The following GDPD1 variants were observed in gnomAD, a reference collection of about 807,000 sequenced individuals.
GDPD1 encodes the protein glycerophosphodiester phosphodiesterase domain containing 1.
Under a neutral mutation model 45.1 loss-of-function variants are expected in GDPD1, and 28 were observed. The observed-to-expected ratio is 0.62, with a 90% CI of 0.46 to 0.85. The LOEUF (loss-of-function observed/expected upper bound fraction) is 0.85. GDPD1 is among the 40% of genes least tolerant of loss of function. The pLI is 0.00. For missense variants in GDPD1, 256 were observed against 364.8 expected (o/e 0.70, Z 2.43); for synonymous variants, 139 against 131.4 (o/e 1.06, Z -0.40).
chr17:59,266,029 A>G (rs2047396192), intron 6 of GDPD1, among the ~76,000 whole-genome samples: 1 of 142,928 alleles, frequency 7.0e-6, no homozygotes, highest in African/African-American at 2.6e-5. Flanking sequence ...AAAATGATTG[A>G]CATTCAATTT....
rs753528868 is a variant in GDPD1 at position 59,267,094 on chromosome 17, C to T, written c.630C>T (p.Gly210=). Residue 210 remains glycine, a synonymous_variant, in exon 7 of 10, where the codon GGC becomes GGT. Coordinates refer to ENST00000284116, the MANE Select transcript of GDPD1 (RefSeq NM_182569.4). ...TACAACGTGTCCTGCTCATTCTTGG[C>T]CTTTTCTTCACTGGCCTCTTGCCCT... ...FSLQRVLLIL[G]LFFTGLLPFV... 6.2e-7 allele frequency: 1 copy of T among 1,613,396 alleles called. No homozygotes were observed. The highest frequency in any genetic ancestry group is 8.5e-7 in the Non-Finnish European group (1 of 1,179,364).
intron 8 of GDPD1, among the ~76,000 whole-genome samples, chr17:59,271,759 G>C (rs979471450): frequency 1.3e-5 from 2 of 151,380 alleles, no homozygotes; most frequent in Non-Finnish European, 2.9e-5. Flanking sequence ...TCAGCCTCCC[G>C]AGTAGCTGGA....
At chr17:59,260,550 G>T (rs1046690092) in intron 6 of GDPD1, among the ~76,000 whole-genome samples, 2 of 151,634 alleles carry the variant, frequency 1.3e-5, no homozygotes, top group East Asian at 1.9e-4. Flanking sequence ...AAAAAAAAAA[G>T]TGTATAAAAA....
intron 1 of GDPD1, among the ~76,000 whole-genome samples, chr17:59,227,626 C>A (rs966695220): frequency 7.2e-5 from 11 of 151,864 alleles, no homozygotes; most frequent in Non-Finnish European, 1.5e-4. Context: ...ATGATAATGG[C>A]AATAGTAATA....
At chr17:59,231,293 G>GAGAGTAAA (rs2047087110) in intron 1 of GDPD1, among the ~76,000 whole-genome samples, 1 of 151,046 alleles carries the variant, frequency 6.6e-6, no homozygotes, top group Non-Finnish European at 1.5e-5. Context: ...TTGGATCAAT[G>GAGAGTAAA]AGAGTAAATA....
chr17:59,271,222 G>A (rs2047441663), intron 8 of GDPD1, among the ~76,000 whole-genome samples: 2 of 152,128 alleles, frequency 1.3e-5, no homozygotes, highest in African/African-American at 4.8e-5. Flanking sequence ...TGAGAAAACT[G>A]AGCCCCCATA....
chr17:59,247,249 T>A (rs1281462041), intron 3 of GDPD1, among the ~76,000 whole-genome samples: 3 of 152,184 alleles, frequency 2.0e-5, no homozygotes, highest in Admixed American at 6.5e-5. Context: ...ATGCTCATAG[T>A]CCATAGTTTA....
chr17:59,237,929 G>A (rs2047145469), intron 2 of GDPD1, among the ~76,000 whole-genome samples: 1 of 147,030 alleles, frequency 6.8e-6, no homozygotes. Flanking sequence ...AATTAGCTGG[G>A]CACAGCCTGG....
At chr17:59,234,780 G>C (rs910769642) in intron 2 of GDPD1, among the ~76,000 whole-genome samples, 2 of 152,138 alleles carry the variant, frequency 1.3e-5, no homozygotes, top group African/African-American at 4.8e-5. Context: ...TAGTTACAAA[G>C]CTGAAAGAAG....
chr17:59,273,003 A>T (rs1246324094), intron 9 of GDPD1, 167 bp downstream of exon 9: 1 of 1,445,318 alleles, frequency 6.9e-7, no homozygotes, highest in African/African-American at 1.4e-5. Context: ...CTTAGCAATA[A>T]AGCATTGGCA....
At chr17:59,255,546 A>G (rs2047289723) in intron 4 of GDPD1, among the ~76,000 whole-genome samples, 1 of 150,162 alleles carries the variant, frequency 6.7e-6, no homozygotes, top group Admixed American at 6.7e-5. Flanking sequence ...GTTTGAGACC[A>G]TCCTGGCCAA....
rs2046994490 is a variant in GDPD1 at position 59,220,543 on chromosome 17, T to C, written c.-67T>C. The C allele has an allele frequency of 1.9e-6, 3 of 1,547,280 alleles. No individual in the cohort carries two copies. Among genetic ancestry groups the C allele is most frequent in the East Asian group, 2.3e-5 (1 of 43,092 alleles). On this transcript the variant is annotated 5_prime_UTR_variant, in exon 1 of 10. Coordinates refer to ENST00000284116, the MANE Select transcript of GDPD1 (RefSeq NM_182569.4). The stretch of plus-strand genomic sequence containing the variant: ...CCTCGAGCAGCCGCCGCCGCCGCCG[T>C]CGTTGCTACTGCCGCAGCGGAGTTC...
At chr17:59,244,567 A>T (rs2047197334) in intron 2 of GDPD1, among the ~76,000 whole-genome samples, 1 of 152,098 alleles carries the variant, frequency 6.6e-6, no homozygotes, top group South Asian at 2.1e-4. Context: ...TCCTGACCTC[A>T]GGTGATCTGC....
chr17:59,273,769 C>A lies in GDPD1; in HGVS notation c.941C>A (p.Ala314Glu). The A allele has an allele frequency of 1.3e-6, 2 of 1,558,442 alleles. No individual in the cohort carries two copies. The highest frequency in any genetic ancestry group is 2.3e-5 in the East Asian group (1 of 42,774). ...KLRDFLHNFS[A>E] is the part of the protein sequence containing the mutation. ...AGGGATTTTTTACATAACTTTTCAGCATAGAAAAAGAGGTACTTAGAAGTA... is the reference window on the plus strand; with the variant it reads ...AGGGATTTTTTACATAACTTTTCAGAATAGAAAAAGAGGTACTTAGAAGTA... Residue 314 changes from alanine to glutamate, a missense_variant, in exon 10 of 10, where the codon GCA becomes GAA. By Grantham distance (107) the Ala-to-Glu change is moderately radical (BLOSUM62 -1). Coordinates refer to ENST00000284116, the MANE Select transcript of GDPD1 (RefSeq NM_182569.4).
At chr17:59,254,512 A>T (rs901385602) in intron 4 of GDPD1, among the ~76,000 whole-genome samples, 28 of 152,182 alleles carry the variant, frequency 1.8e-4, no homozygotes, top group Non-Finnish European at 3.4e-4. Context: ...CCTGGGTGAC[A>T]GATTGAGACC....
chr17:59,265,717 G>A (rs1337150270), intron 6 of GDPD1, among the ~76,000 whole-genome samples: 1 of 151,638 alleles, frequency 6.6e-6, no homozygotes, highest in Non-Finnish European at 1.5e-5. Flanking sequence ...GGGTGACATG[G>A]TGAAACCTCA....
At chr17:59,257,085 T>A in intron 4 of GDPD1, 37 bp from the exon 5 acceptor site, 1 of 1,073,422 alleles carries the variant, frequency 9.3e-7, no homozygotes, top group South Asian at 1.4e-5. Flanking sequence ...GTAAAACTTA[T>A]ATTTAAAAAA....
rs1213840857 is a variant in GDPD1 at position 59,245,534 on chromosome 17, T to C, written c.306T>C (p.Ser102=). The change falls in exon 3 of 10, where the codon TCT becomes TCC. Residue 102 remains serine (S), a synonymous_variant. Coordinates refer to ENST00000284116, the MANE Select transcript of GDPD1 (RefSeq NM_182569.4). ...CAACTGGGGTCAATGTAAACATCTC[T>C]GATCTCAAATACTGTGTAAGTAAAA... is the stretch of plus-strand genomic sequence containing the variant. ...KRATGVNVNI[S]DLKYCELPPY... 6.2e-7 allele frequency: 1 copy of C among 1,608,872 alleles called. No individual in the cohort carries two copies. The highest frequency in any genetic ancestry group is 8.5e-7 in the Non-Finnish European group (1 of 1,176,456).
intron 2 of GDPD1, among the ~76,000 whole-genome samples, chr17:59,238,448 CTG>C (rs2047151564): frequency 6.8e-6 from 1 of 147,190 alleles, no homozygotes; most frequent in South Asian, 2.1e-4. Flanking sequence ...GAGTCTCACT[CTG>C]TTGCCCAGGC....
Sources: allele counts gnomAD v4.1 joint callset (sites outside exome capture counted in the v4.1 genomes callset), GRCh38; gene constraint gnomAD v4.1.1; transcripts MANE v1.5; gene names NCBI Gene and HGNC (gene_info 2026-07-23, HGNC 2026-07-21).